The following FGF14 variants were observed in gnomAD, a reference collection of about 807,000 sequenced individuals.
The protein encoded by FGF14 is fibroblast growth factor 14.
FGF14 carries 5 observed loss-of-function variants against 25.5 expected under a neutral mutation model. The ratio of observed to expected loss-of-function variants is 0.20; its 90% confidence interval spans 0.10 to 0.41. The LOEUF is 0.41. Among genes scored for constraint, FGF14 ranks in the 10% least tolerant of loss-of-function variants. The pLI is 1.00. For synonymous variants in FGF14, 138 were observed against 118.3 expected (o/e 1.17, Z -1.08); for missense variants, 222 against 320.1 (o/e 0.69, Z 2.34).
intron 3 of FGF14, among the ~76,000 whole-genome samples, chr13:101,797,772 T>TGTGTGTGTGTGTGA (rs1555384576): frequency 6.9e-6 from 1 of 145,556 alleles, no homozygotes; most frequent in Non-Finnish European, 1.5e-5. Flanking sequence ...TGTGTGTGTG[T>TGTGTGTGTGTGTGA]GTGTGTGTGT....
At chr13:102,283,803 G>A (rs1177793212) in intron 1 of FGF14, among the ~76,000 whole-genome samples, 8 of 152,152 alleles carry the variant, frequency 5.3e-5, no homozygotes, top group Admixed American at 1.3e-4. Context: ...ATTCAGGTCT[G>A]CCACTCACTA....
chr13:101,996,473 G>T (rs1451696401), intron 1 of FGF14, among the ~76,000 whole-genome samples: 1 of 152,202 alleles, frequency 6.6e-6, no homozygotes, highest in Non-Finnish European at 1.5e-5. Context: ...AGGAGAAAAA[G>T]AGAAGTGGTC....
chr13:101,981,339 A>T (rs1333379064), intron 1 of FGF14, among the ~76,000 whole-genome samples: 1 of 152,136 alleles, frequency 6.6e-6, no homozygotes, highest in Non-Finnish European at 1.5e-5. Context: ...CCATGTAAGG[A>T]CACAGCTAGA....
chr13:102,274,136 C>CT (rs1365186015), intron 1 of FGF14, among the ~76,000 whole-genome samples: 2 of 152,304 alleles, frequency 1.3e-5, no homozygotes, highest in East Asian at 3.9e-4. Flanking sequence ...TATCGTGGAT[C>CT]TGCCATTGCC....
At chr13:101,825,285 T>G (rs2984848) in intron 3 of FGF14, among the ~76,000 whole-genome samples, 105,124 of 151,958 alleles carry the variant, frequency 0.69, 36,888 homozygotes, top group African/African-American at 0.82. Context: ...GACTCCCGTT[T>G]GTATCCAATG....
chr13:102,039,495 T>C (rs908460548), intron 1 of FGF14, among the ~76,000 whole-genome samples: 3 of 152,142 alleles, frequency 2.0e-5, no homozygotes, highest in Non-Finnish European at 4.4e-5. Context: ...ATCCATCCCA[T>C]GGCCCTCTCC....
chr13:101,969,827 G>T (rs2139530725), intron 1 of FGF14, among the ~76,000 whole-genome samples: 1 of 152,258 alleles, frequency 6.6e-6, no homozygotes, highest in East Asian at 1.9e-4. Context: ...TTGGGTGGAG[G>T]TTGCTCTATT....
At chr13:101,885,200 G>T (rs1391183336) in intron 1 of FGF14, among the ~76,000 whole-genome samples, 1 of 152,176 alleles carries the variant, frequency 6.6e-6, no homozygotes, top group Non-Finnish European at 1.5e-5. Context: ...ATTTGCACTA[G>T]AGCATGGATT....
intron 3 of FGF14, among the ~76,000 whole-genome samples, chr13:101,742,353 A>C (rs2036609421): frequency 6.6e-6 from 1 of 152,206 alleles, no homozygotes; most frequent in Non-Finnish European, 1.5e-5. Flanking sequence ...CATTAAAGTC[A>C]TCAAGAATGA....
At chr13:102,108,093 A>G (rs77540801) in intron 1 of FGF14, among the ~76,000 whole-genome samples, 298 of 152,356 alleles carry the variant, frequency 2.0e-3, no homozygotes, top group African/African-American at 6.9e-3. Context: ...TGAAATAGTC[A>G]TTAAATAGGA....
intron 1 of FGF14, among the ~76,000 whole-genome samples, chr13:102,000,081 C>T (rs954689411): frequency 3.3e-5 from 5 of 151,996 alleles, no homozygotes; most frequent in South Asian, 2.1e-4. Flanking sequence ...TTTGGGAGGC[C>T]GAGGCGGGCG....
chr13:101,842,965 G>A (rs536213687), intron 3 of FGF14, among the ~76,000 whole-genome samples: 14 of 152,062 alleles, frequency 9.2e-5, no homozygotes, highest in Non-Finnish European at 1.2e-4. Context: ...GGCCAAACTC[G>A]GACAAACGAT....
At chr13:102,320,641 C>CT (rs2056209425) in intron 1 of FGF14, among the ~76,000 whole-genome samples, 1 of 152,134 alleles carries the variant, frequency 6.6e-6, no homozygotes, top group African/African-American at 2.4e-5. Flanking sequence ...AAGGTAGCTC[C>CT]TCCCCTAGGA....
chr13:102,132,275 A>G (rs1167528078), intron 1 of FGF14, among the ~76,000 whole-genome samples: 1 of 152,226 alleles, frequency 6.6e-6, no homozygotes, highest in Non-Finnish European at 1.5e-5. Context: ...ATAACATTAA[A>G]AGAAGAAAGA....
At chr13:102,105,382 G>A (rs572237546) in intron 1 of FGF14, among the ~76,000 whole-genome samples, 117 of 151,964 alleles carry the variant, frequency 7.7e-4, no homozygotes, top group Non-Finnish European at 1.4e-3. Context: ...GACCTCTATC[G>A]GTGACAATTA....
At chr13:102,105,680 G>A (rs971783607) in intron 1 of FGF14, among the ~76,000 whole-genome samples, 2 of 152,172 alleles carry the variant, frequency 1.3e-5, no homozygotes, top group Admixed American at 6.5e-5. Context: ...ATAGGGCTTA[G>A]CTGACACACT....
chr13:102,159,614 TG>T (rs1371030708), intron 1 of FGF14, among the ~76,000 whole-genome samples: 2 of 152,202 alleles, frequency 1.3e-5, no homozygotes, highest in Non-Finnish European at 2.9e-5. Context: ...CCTATCAAAC[TG>T]TAGCATAATT....
At chr13:101,863,907 C>T (rs147704782) in intron 3 of FGF14, among the ~76,000 whole-genome samples, 17 of 152,014 alleles carry the variant, frequency 1.1e-4, no homozygotes, top group Admixed American at 2.6e-4. Context: ...TAAGGACAGA[C>T]GGAAACACAA....
intron 1 of FGF14, among the ~76,000 whole-genome samples, chr13:101,937,925 T>C (rs943389383): frequency 1.3e-5 from 2 of 152,216 alleles, no homozygotes; most frequent in Admixed American, 6.5e-5. Context: ...CCACCCAGTC[T>C]GTGGTATTTT....
Sources: allele counts gnomAD v4.1 joint callset (sites outside exome capture counted in the v4.1 genomes callset), GRCh38; gene constraint gnomAD v4.1.1; transcripts MANE v1.5; gene names NCBI Gene and HGNC (gene_info 2026-07-23, HGNC 2026-07-21).